Variants in FOLH1 observed in about 807,000 individuals in gnomAD.
FOLH1 encodes glutamate carboxypeptidase 2.
FOLH1 carries 54 observed loss-of-function variants against 93.9 expected under a neutral mutation model. That is an observed-to-expected ratio of 0.57 (90% CI 0.46 to 0.72). The LOEUF is 0.72. Among genes scored for constraint, FOLH1 ranks in the 30% least tolerant of loss-of-function variants. The pLI is 0.00. For synonymous variants in FOLH1, 249 were observed against 303.6 expected, an observed-to-expected ratio of 0.82 and a Z score of 1.87; for missense variants, 571 against 892.5, an observed-to-expected ratio of 0.64 and a Z score of 4.59.
intron 4 of FOLH1, among the ~76,000 whole-genome samples, chr11:49,187,438 AT>A (rs1251787943): frequency 6.6e-6 from 1 of 152,208 alleles, no homozygotes; most frequent in Non-Finnish European, 1.5e-5. Flanking sequence ...GCTGCAAAGC[AT>A]GCAATATCTA....
In FOLH1 at chr11:49,183,170, T is replaced by C. The variant is rs544801161; in HGVS notation, c.899A>G (p.Tyr300Cys). The C allele has an allele frequency of 6.8e-6, 11 of 1,612,220 alleles. No homozygotes were observed. In the African/African-American group the frequency reaches 8.0e-5, roughly 12 times the overall value. ...PSIPVHPIGY[Y>C]DAQKLLEKMG... is the part of the protein sequence containing the mutation. ...TTACTCTAGGAGCTTCTGTGCATCA[T>C]AGTATCCAATTGGATGAACAGGAAT... Residue 300 changes from tyrosine to cysteine, a missense_variant, in exon 7 of 19, where the codon TAT becomes TGT. Tyr to Cys is a radical substitution (Grantham distance 194). Around this residue, in one of 2 missense-constraint regions of FOLH1, gnomAD observed 500 missense variants for 822.9 expected, o/e 0.61. Coordinates refer to ENST00000256999, the MANE Select transcript of FOLH1 (RefSeq NM_004476.3).
At chr11:49,191,737 A>T (rs1405317467) in intron 4 of FOLH1, among the ~76,000 whole-genome samples, 1 of 73,576 alleles carries the variant, frequency 1.4e-5, no homozygotes, top group Non-Finnish European at 2.5e-5. Flanking sequence ...TCGCTCTGTC[A>T]CCTAGGCTGG....
At chr11:49,193,137 A>T (rs1267201396) in intron 3 of FOLH1, among the ~76,000 whole-genome samples, 1 of 152,168 alleles carries the variant, frequency 6.6e-6, no homozygotes, top group Non-Finnish European at 1.5e-5. Flanking sequence ...AGCTAAAAAA[A>T]CCCCACCAAT....
rs775565658 is a variant in FOLH1, at chr11:49,186,782, G to A, written c.514-13C>T. The A allele has an allele frequency of 3.2e-6, 5 of 1,585,062 alleles. No homozygotes were observed. Among genetic ancestry groups the A allele is most frequent in the Middle Eastern group, 1.7e-4 (1 of 5,984 alleles). ...ACACTAGATCGCCCTGTTGAGATCGGGAATGACTTAATATGAGTCAGATAT... is the reference window on the plus strand; with the variant it reads ...ACACTAGATCGCCCTGTTGAGATCGAGAATGACTTAATATGAGTCAGATAT... On this transcript the variant is annotated splice_polypyrimidine_tract_variant and intron_variant, in intron 4 of 18. Transcript: ENST00000256999.
chr11:49,204,613 G>T (rs1038077820), intron 2 of FOLH1, among the ~76,000 whole-genome samples: 1 of 152,146 alleles, frequency 6.6e-6, no homozygotes, highest in Non-Finnish European at 1.5e-5. Context: ...AGAAGTTCGA[G>T]CTTCAGAGTC....
At chr11:49,197,303 A>T (rs1381152465) in intron 3 of FOLH1, among the ~76,000 whole-genome samples, 1 of 152,192 alleles carries the variant, frequency 6.6e-6, no homozygotes, top group Non-Finnish European at 1.5e-5. Flanking sequence ...ACAAGTAAGA[A>T]AAGTTTTTAA....
intron 7 of FOLH1, among the ~76,000 whole-genome samples, chr11:49,182,794 C>G (rs1291502610): frequency 6.6e-6 from 1 of 152,092 alleles, no homozygotes. Flanking sequence ...CAGAAACAGG[C>G]CTGCAGTAGT....
chr11:49,178,742 A>G (rs1341724045), intron 7 of FOLH1, among the ~76,000 whole-genome samples: 1 of 152,208 alleles, frequency 6.6e-6, no homozygotes, highest in Non-Finnish European at 1.5e-5. Flanking sequence ...CAAAAATATT[A>G]GAAAGTACCA....
In FOLH1 at chr11:49,153,578, G is replaced by A. The variant is rs574159009; in HGVS notation, c.1970+268C>T. Among the ~76,000 whole-genome samples, 6 of 152,194 alleles carry A rather than the reference G, an allele frequency of 3.9e-5. 1 individual carries two copies. Among genetic ancestry groups the A allele is most frequent in the Admixed American group, 2.6e-4 (4 of 15,262 alleles). On this transcript the variant is annotated intron_variant, in intron 17 of 18. Transcript: ENST00000256999. ...CGGCACAATTGCCACTCAGAATGTCGAAAGTAGGTCTTTTGAGATGGGGCA... is the reference window on the plus strand; with the variant it reads ...CGGCACAATTGCCACTCAGAATGTCAAAAGTAGGTCTTTTGAGATGGGGCA...
chr11:49,147,769 G>C (rs920382409), intron 18 of FOLH1, among the ~76,000 whole-genome samples: 2 of 151,974 alleles, frequency 1.3e-5, no homozygotes, highest in African/African-American at 2.4e-5. Context: ...ACAAATGAAC[G>C]TACAAATATT....
chr11:49,188,423 G>A (rs1861653617), intron 4 of FOLH1, among the ~76,000 whole-genome samples: 2 of 149,638 alleles, frequency 1.3e-5, no homozygotes, highest in African/African-American at 4.9e-5. Context: ...TGAGGTATGA[G>A]AATTGCTTGA....
intron 15 of FOLH1, among the ~76,000 whole-genome samples, chr11:49,155,748 AC>A (rs927340186): frequency 1.3e-4 from 18 of 138,718 alleles, no homozygotes; most frequent in Admixed American, 1.2e-3. Flanking sequence ...AAACTACTTG[AC>A]ATTTTATAAA....
At chr11:49,199,537 G>C (rs1225550808) in intron 3 of FOLH1, among the ~76,000 whole-genome samples, 1 of 151,844 alleles carries the variant, frequency 6.6e-6, no homozygotes, top group Non-Finnish European at 1.5e-5. Flanking sequence ...AAACTTGCTG[G>C]GTCAAACTGC....
At position 49,192,727 on chromosome 11, in the gene FOLH1, G is replaced by A. The variant is rs569497094; in HGVS notation, c.513+66C>T. On this transcript the variant is annotated intron_variant, in intron 4 of 18. Transcript: ENST00000256999. ...GTCCCTTTATGACCCTTTAATTATC[G>A]GCTGAACATATGAAGAGAAGGAAGG... 132 of 1,369,914 alleles carry A rather than the reference G, an allele frequency of 9.6e-5. 1 individual carries two copies. In the East Asian group the frequency reaches 2.4e-3, roughly 25 times the overall value. The allele number at this position is 1,369,914 out of a possible 1,614,324, so 84.9% of individuals were successfully genotyped here.
intron 7 of FOLH1, among the ~76,000 whole-genome samples, chr11:49,180,925 A>T (rs1215650626): frequency 6.6e-6 from 1 of 152,140 alleles, no homozygotes; most frequent in African/African-American, 2.4e-5. Context: ...GTAATGTCAG[A>T]TGAATTGTGT....
Position 49,202,978 on chromosome 11 carries a change from G to T in FOLH1, c.225-2537C>A, listed in dbSNP as rs148319548. ...CCAGTCTGAGAGAGATCTATGAATG[G>T]ATTTTTGCTATTCTGGAAAATGTGT... On this transcript the variant is annotated intron_variant, in intron 2 of 18. Coordinates refer to ENST00000256999, the MANE Select transcript of FOLH1 (RefSeq NM_004476.3). Among the ~76,000 whole-genome samples, 198 of 152,284 alleles carry T rather than the reference G, an allele frequency of 1.3e-3. 1 individual carries two copies. Among genetic ancestry groups the T allele is most frequent in the African/African-American group, 4.5e-3 (186 of 41,560 alleles).
intron 7 of FOLH1, among the ~76,000 whole-genome samples, chr11:49,179,954 A>C (rs936998492): frequency 7.2e-5 from 11 of 152,186 alleles, no homozygotes; most frequent in African/African-American, 2.7e-4. Context: ...TCATTCTATA[A>C]ATGTTTCTTG....
rs758949926 is a variant in FOLH1, at chr11:49,192,855, A to G, written c.451T>C (p.Tyr151His). 2.5e-6 allele frequency: 4 copies of G among 1,604,920 alleles called. No homozygotes were observed. In the East Asian group the frequency reaches 9.0e-5, roughly 36 times the overall value. Residue 151 changes from tyrosine (Y) to histidine (H), a missense_variant, in exon 4 of 19, where the codon TAT becomes CAT. Tyr to His is a moderately conservative substitution (Grantham distance 83). This residue lies in a region of FOLH1 where 500 missense variants were observed against 822.9 expected (regional missense o/e 0.61). Transcript: ENST00000256999. ...GGTACAATATCCGAAACATTTTCAT[A>G]TCCTGGAGGAGGTGGTTCAAATAAT... The part of the protein sequence containing the change: ...TSLFEPPPPG[Y>H]ENVSDIVPPF...
intron 7 of FOLH1, among the ~76,000 whole-genome samples, chr11:49,181,828 G>A (rs1204108050): frequency 2.0e-5 from 3 of 152,042 alleles, no homozygotes; most frequent in Non-Finnish European, 4.4e-5. Context: ...CCCTTAAATT[G>A]AACAGATGTG....
Sources: gnomAD v4.1 joint callset for allele counts (sites outside exome capture counted in the v4.1 genomes callset) on GRCh38, gnomAD v4.1.1 for gene constraint, gnomAD v4.1.1 regional missense constraint, MANE v1.5 for transcripts, NCBI Gene and HGNC (gene_info 2026-07-23, HGNC 2026-07-21) for gene names.